MPDZ: variants seen among roughly 807,000 people sequenced by gnomAD.
MPDZ encodes multiple PDZ domain protein.
Under a neutral mutation model 239.1 loss-of-function variants are expected in MPDZ, and 234 were observed. The observed-to-expected ratio is 0.98, with a 90% CI of 0.88 to 1.09. The LOEUF (loss-of-function observed/expected upper bound fraction) is 1.09. MPDZ is among the 50% of genes least tolerant of loss of function. The pLI is 0.00. For synonymous variants in MPDZ, 1,048 were observed against 881.3 expected (o/e 1.19, Z -3.35); for missense variants, 3,175 against 2,510.0 (o/e 1.26, Z -5.66).
intron 25 of MPDZ, among the ~76,000 whole-genome samples, chr9:13,150,050 ATTAAC>A (rs1047338472): frequency 1.3e-5 from 2 of 152,130 alleles, no homozygotes; most frequent in African/African-American, 4.8e-5. Flanking sequence ...ATAAAATCTC[ATTAAC>A]TTAATTATAT....
At chr9:13,237,027 T>C (rs924459458) in intron 3 of MPDZ, among the ~76,000 whole-genome samples, 5 of 152,174 alleles carry the variant, frequency 3.3e-5, no homozygotes, top group Admixed American at 2.6e-4. Context: ...TCAGCGCCTA[T>C]CATAAAGAGC....
At chr9:13,120,790 C>G (rs915990112) in intron 38 of MPDZ, 6 of 152,160 alleles carry the variant, frequency 3.9e-5, no homozygotes, top group East Asian at 1.9e-4. Flanking sequence ...ATAAAGATCA[C>G]CATTTCACAG....
chr9:13,213,794 A>C (rs74610298), intron 10 of MPDZ, among the ~76,000 whole-genome samples: 4,127 of 152,160 alleles, frequency 0.027, 86 homozygotes, highest in Middle Eastern at 0.048. Context: ...TTGAGATTCC[A>C]CTTATATAAG....
intron 43 of MPDZ, among the ~76,000 whole-genome samples, chr9:13,111,473 C>T (rs1437128767): frequency 1.3e-5 from 2 of 152,080 alleles, no homozygotes; most frequent in East Asian, 1.9e-4. Flanking sequence ...GACTGAGTTG[C>T]GTTAATGGAA....
intron 1 of MPDZ, among the ~76,000 whole-genome samples, chr9:13,266,516 T>G (rs938564533): frequency 2.0e-5 from 3 of 152,158 alleles, no homozygotes; most frequent in Non-Finnish European, 4.4e-5. Flanking sequence ...ACCCTTAAAT[T>G]CAGCAGACAG....
At chr9:13,229,033 T>C (rs1961555146) in intron 3 of MPDZ, among the ~76,000 whole-genome samples, 1 of 152,114 alleles carries the variant, frequency 6.6e-6, no homozygotes, top group African/African-American at 2.4e-5. Flanking sequence ...TCTTAGGAAG[T>C]TCCTCATTTG....
Position 13,158,080 on chromosome 9 carries a change from C to A in MPDZ, c.3390G>T (p.Glu1130Asp). The A allele has an allele frequency of 1.9e-6, 3 of 1,612,664 alleles. 1 individual carries two copies. Among genetic ancestry groups the A allele is most frequent in the Middle Eastern group, 1.7e-4 (1 of 6,056 alleles). ...GAAGTTCGCTTTCTTCACCCTCTCC[C>A]TCTTCTCGCTCTGGTAATTCTGGAA... ...RDIPELPERE[E>D]GEGEESELQN... Residue 1130 changes from glutamate to aspartate, a missense_variant, in exon 24 of 47, where the codon GAG (glutamate) becomes GAT (aspartate). Coordinates refer to ENST00000319217, the MANE Select transcript of MPDZ (RefSeq NM_001378778.1).
At chr9:13,157,653 G>A (rs1007755523) in intron 24 of MPDZ, among the ~76,000 whole-genome samples, 7 of 150,480 alleles carry the variant, frequency 4.7e-5, no homozygotes, top group African/African-American at 7.4e-5. Context: ...ACACACACAC[G>A]TTCTGAATAT....
At chr9:13,277,892 T>C (rs1974602370) in intron 1 of MPDZ, among the ~76,000 whole-genome samples, 1 of 152,116 alleles carries the variant, frequency 6.6e-6, no homozygotes, top group African/African-American at 2.4e-5. Flanking sequence ...TAAAACACTA[T>C]TGTTTGCCAA....
At chr9:13,151,198 G>T (rs956234333) in intron 24 of MPDZ, among the ~76,000 whole-genome samples, 1 of 151,958 alleles carries the variant, frequency 6.6e-6, no homozygotes, top group Non-Finnish European at 1.5e-5. Context: ...AAACCCTTGT[G>T]TACTGTTGGT....
intron 31 of MPDZ, 87 bp from the exon 32 acceptor site, chr9:13,133,991 T>G (rs1946387912): frequency 2.0e-6 from 1 of 489,532 alleles, no homozygotes; most frequent in African/African-American, 2.0e-5. Flanking sequence ...TATTCAAAAT[T>G]ATTTTATACA....
At chr9:13,142,177 G>A (rs888463471) in intron 27 of MPDZ, among the ~76,000 whole-genome samples, 1 of 152,012 alleles carries the variant, frequency 6.6e-6, no homozygotes, top group African/African-American at 2.4e-5. Context: ...CAAATCTATA[G>A]ATGACATTTT....
chr9:13,216,861 T>C lies in MPDZ; in HGVS notation c.1203A>G (p.Glu401=). Residue 401 remains glutamate, a splice_region_variant and synonymous_variant, in exon 10 of 47, where the codon GAA becomes GAG. Transcript: ENST00000319217. The stretch of plus-strand genomic sequence containing the variant: ...TGCTCTTTACAAAGATTCCTGAAGG[T>C]TCTAAGATTAGAAATAGTTTATTTT... ...IAGYIGDKKL[E]PSGIFVKSIT... is the part of the protein sequence containing the mutation. The C allele has an allele frequency of 3.1e-6, 5 of 1,606,566 alleles. No homozygotes were observed. In the South Asian group the frequency reaches 5.5e-5, roughly 18 times the overall value.
At chr9:13,237,092 T>C (rs1964246155) in intron 3 of MPDZ, among the ~76,000 whole-genome samples, 1 of 152,102 alleles carries the variant, frequency 6.6e-6, no homozygotes, top group Non-Finnish European at 1.5e-5. Flanking sequence ...GTAAAACTTG[T>C]TAATTTTATT....
At chr9:13,185,520 G>T (rs1409458940) in intron 18 of MPDZ, among the ~76,000 whole-genome samples, 1 of 152,004 alleles carries the variant, frequency 6.6e-6, no homozygotes, top group Non-Finnish European at 1.5e-5. Context: ...GTTGAGTAAG[G>T]AACCTAGCTC....
intron 1 of MPDZ, among the ~76,000 whole-genome samples, chr9:13,277,416 A>G (rs541966896): frequency 6.6e-6 from 1 of 152,332 alleles, no homozygotes; most frequent in South Asian, 2.1e-4. Context: ...CAAATGAGAT[A>G]GGGAAGAAGA....
At chr9:13,215,058 CA>C (rs1034947252) in intron 10 of MPDZ, among the ~76,000 whole-genome samples, 4 of 151,942 alleles carry the variant, frequency 2.6e-5, no homozygotes, top group African/African-American at 9.7e-5. Context: ...CATCATTGTG[CA>C]ACAGGTCTCC....
At chr9:13,262,405 G>A (rs1490874565) in intron 1 of MPDZ, among the ~76,000 whole-genome samples, 2 of 151,968 alleles carry the variant, frequency 1.3e-5, no homozygotes, top group African/African-American at 2.4e-5. Flanking sequence ...ACATGTAATC[G>A]CACCACTGCA....
intron 16 of MPDZ, 55 bp from the exon 17 acceptor site, chr9:13,189,048 C>A: frequency 6.7e-7 from 1 of 1,498,156 alleles, no homozygotes; most frequent in South Asian, 1.2e-5. Flanking sequence ...AATTCTTCTA[C>A]AGGTCGTCCA....
Sources: allele counts gnomAD v4.1 joint callset (sites outside exome capture counted in the v4.1 genomes callset), GRCh38; gene constraint gnomAD v4.1.1; transcripts MANE v1.5; gene names NCBI Gene and HGNC (gene_info 2026-07-23, HGNC 2026-07-21).